Variants in NEDD4L observed in about 807,000 individuals in gnomAD.
NEDD4L encodes the protein NEDD4 like E3 ubiquitin protein ligase.
Under a neutral mutation model 148.9 loss-of-function variants are expected in NEDD4L, and 54 were observed. That is an observed-to-expected ratio of 0.36 (90% CI 0.29 to 0.45). The LOEUF (loss-of-function observed/expected upper bound fraction) is 0.45. NEDD4L is among the 20% of genes least tolerant of loss of function. The pLI is 1.00. For missense variants in NEDD4L, 856 were observed against 1,233.8 expected, an observed-to-expected ratio of 0.69 and a Z score of 4.59; for synonymous variants, 433 against 440.7, an observed-to-expected ratio of 0.98 and a Z score of 0.22.
chr18:58,218,381 T>C (rs890533260), intron 2 of NEDD4L, among the ~76,000 whole-genome samples: 13 of 152,136 alleles, frequency 8.5e-5, no homozygotes, highest in African/African-American at 3.1e-4. Flanking sequence ...CAATATACAA[T>C]TAAAGGAATG....
intron 2 of NEDD4L, among the ~76,000 whole-genome samples, chr18:58,207,504 C>T (rs2042094400): frequency 6.6e-6 from 1 of 151,952 alleles, no homozygotes; most frequent in Admixed American, 6.6e-5. Flanking sequence ...CCTCTAAGTG[C>T]AACAGGAATA....
chr18:58,225,809 A>C (rs2044286464), intron 2 of NEDD4L, among the ~76,000 whole-genome samples: 2 of 152,206 alleles, frequency 1.3e-5, no homozygotes, highest in South Asian at 4.1e-4. Context: ...CATAATAGCC[A>C]AGTCAACTGA....
chr18:58,058,024 A>G (rs1010655679), intron 1 of NEDD4L, among the ~76,000 whole-genome samples: 11 of 152,106 alleles, frequency 7.2e-5, no homozygotes, highest in African/African-American at 2.7e-4. Flanking sequence ...AAATGGTGGT[A>G]AGGCCGGCCG....
At chr18:58,114,028 G>T (rs573190131) in intron 1 of NEDD4L, among the ~76,000 whole-genome samples, 2 of 152,148 alleles carry the variant, frequency 1.3e-5, no homozygotes, top group Admixed American at 1.3e-4. Flanking sequence ...ACTTTGGCTC[G>T]CTTGTGTTGC....
intron 2 of NEDD4L, among the ~76,000 whole-genome samples, chr18:58,241,040 C>T (rs1360474721): frequency 1.3e-5 from 2 of 152,110 alleles, no homozygotes; most frequent in Admixed American, 6.6e-5. Flanking sequence ...GAATTCCTGA[C>T]CTCAAGTGAT....
intron 12 of NEDD4L, among the ~76,000 whole-genome samples, chr18:58,334,270 G>A (rs2041422989): frequency 6.6e-6 from 1 of 152,176 alleles, no homozygotes; most frequent in Admixed American, 6.5e-5. Context: ...GAACTCTTCT[G>A]GGCGACCGTC....
intron 2 of NEDD4L, among the ~76,000 whole-genome samples, chr18:58,213,085 G>A (rs2147764018): frequency 6.6e-6 from 1 of 152,272 alleles, no homozygotes; most frequent in Non-Finnish European, 1.5e-5. Context: ...TGATAGCAAG[G>A]CTGTAATAGA....
intron 1 of NEDD4L, among the ~76,000 whole-genome samples, chr18:58,060,721 T>C (rs988546750): frequency 2.6e-5 from 4 of 151,892 alleles, no homozygotes; most frequent in Non-Finnish European, 4.4e-5. Context: ...GGGCCTGTCT[T>C]GCACCCTTCC....
At chr18:58,272,089 A>G (rs773207751) in intron 5 of NEDD4L, among the ~76,000 whole-genome samples, 1 of 152,222 alleles carries the variant, frequency 6.6e-6, no homozygotes, top group Non-Finnish European at 1.5e-5. Context: ...GAATTTTTCC[A>G]CGTTAGACTT....
intron 2 of NEDD4L, among the ~76,000 whole-genome samples, chr18:58,211,219 T>C (rs113644927): frequency 0.02 from 2,990 of 152,320 alleles, 94 homozygotes; most frequent in African/African-American, 0.068. Context: ...CATTTTACAA[T>C]TAGTATTTAA....
Position 58,348,716 on chromosome 18 carries a change from C to T in NEDD4L, c.1576-821C>T, listed in dbSNP as rs375607593. On this transcript the variant is annotated intron_variant, in intron 16 of 30. Coordinates refer to ENST00000400345, the MANE Select transcript of NEDD4L (RefSeq NM_001144967.3). ...TGTTCTCTCTGAAACTCCATTTCCT[C>T]ATCTAAAGAAACAGACCATGTGCCC... Among the ~76,000 whole-genome samples the T allele has an allele frequency of 5.3e-5, 8 of 152,252 alleles. No homozygotes were observed. In the East Asian group the frequency reaches 9.7e-4, roughly 18 times the overall value.
At chr18:58,357,947 C>T (rs2044917555) in intron 19 of NEDD4L, among the ~76,000 whole-genome samples, 1 of 152,132 alleles carries the variant, frequency 6.6e-6, no homozygotes, top group Non-Finnish European at 1.5e-5. Flanking sequence ...GAGAGCACAC[C>T]ACCAGCTTTT....
chr18:58,092,150 A>G (rs889009623), intron 1 of NEDD4L, among the ~76,000 whole-genome samples: 2 of 152,370 alleles, frequency 1.3e-5, no homozygotes, highest in African/African-American at 4.8e-5. Flanking sequence ...AAGTCAGGGC[A>G]GGCCCTGTGA....
At position 58,360,742 on chromosome 18, in the gene NEDD4L, TTGTGTGTG is replaced by T. The variant is rs10665833; in HGVS notation, c.1768-3502_1768-3495del. Among the ~76,000 whole-genome samples, 9 of 145,974 alleles carry T rather than the reference TTGTGTGTG, an allele frequency of 6.2e-5. No individual in the cohort carries two copies. In the East Asian group the frequency reaches 1.2e-3, roughly 20 times the overall value. ...ATTATTGCCTAGTTCAGTTTATAAT[TTGTGTGTG>T]TGTGTGTGTGTGTGTGTGTGTGTAC... On this transcript the variant is annotated intron_variant, in intron 19 of 30. Transcript: ENST00000400345.
At chr18:58,372,830 C>CAAA (rs11318354) in intron 23 of NEDD4L, among the ~76,000 whole-genome samples, 5 of 132,800 alleles carry the variant, frequency 3.8e-5, no homozygotes, top group Admixed American at 7.7e-5. Context: ...ATCTCAAAAA[C>CAAA]AAAAAAAAAA....
intron 24 of NEDD4L, among the ~76,000 whole-genome samples, chr18:58,375,492 AC>A (rs1291365852): frequency 6.6e-6 from 1 of 151,266 alleles, no homozygotes; most frequent in Non-Finnish European, 1.5e-5. Flanking sequence ...ATCCAGACCT[AC>A]CCCCCTCTGG....
At chr18:58,357,431 G>T (rs759549768) in intron 19 of NEDD4L, 179 bp downstream of exon 19, 17 of 719,398 alleles carry the variant, frequency 2.4e-5, no homozygotes, top group South Asian at 2.0e-4. Flanking sequence ...ACAGCTGCAT[G>T]TGCCTTTTCA....
At chr18:58,076,355 C>T (rs1298700200) in intron 1 of NEDD4L, among the ~76,000 whole-genome samples, 1 of 152,148 alleles carries the variant, frequency 6.6e-6, no homozygotes, top group Non-Finnish European at 1.5e-5. Flanking sequence ...ACCTTCGTTT[C>T]TAAAACTGGG....
intron 5 of NEDD4L, among the ~76,000 whole-genome samples, chr18:58,253,459 A>G (rs948597294): frequency 6.6e-6 from 1 of 152,208 alleles, no homozygotes; most frequent in Non-Finnish European, 1.5e-5. Context: ...TAACTAAACC[A>G]CTTTTGTTGT....
Sources: gnomAD v4.1 joint callset for allele counts (sites outside exome capture counted in the v4.1 genomes callset) on GRCh38, gnomAD v4.1.1 for gene constraint, MANE v1.5 for transcripts, NCBI Gene and HGNC (gene_info 2026-07-23, HGNC 2026-07-21) for gene names.